Variants in PDE1C observed in about 807,000 individuals in gnomAD.
PDE1C encodes the protein dual specificity calcium/calmodulin-dependent 3',5'-cyclic nucleotide phosphodiesterase 1C.
A neutral mutation model predicts 93.1 loss-of-function variants in PDE1C; 62 were observed. That is an observed-to-expected ratio of 0.67 (90% confidence interval 0.54 to 0.82). The LOEUF (loss-of-function observed/expected upper bound fraction) is 0.82, where lower values mean the gene tolerates loss of function less well. Ranked by LOEUF, PDE1C falls within the 40% of genes least tolerant of loss-of-function variation. PDE1C has a pLI of 0.00. For synonymous variants in PDE1C, 325 were observed against 310.1 expected (o/e 1.05, Z -0.50); for missense variants, 742 against 884.6 (o/e 0.84, Z 2.04).
chr7:31,861,236 T>C (rs1271822707), intron 7 of PDE1C, among the ~76,000 whole-genome samples: 1 of 152,186 alleles, frequency 6.6e-6, no homozygotes, highest in African/African-American at 2.4e-5. Context: ...TTATACCCCA[T>C]GTCACTGGCC....
At chr7:31,642,716 A>G in the PDE1C span, 4 of 1,613,942 alleles carry the variant, frequency 2.5e-6, no homozygotes, top group South Asian at 4.4e-5. Flanking sequence ...AGTCCTGCTG[A>G]GAATGGAGGT....
chr7:31,933,618 C>T (rs1393220996), intron 2 of PDE1C, among the ~76,000 whole-genome samples: 2 of 152,148 alleles, frequency 1.3e-5, no homozygotes, highest in East Asian at 1.9e-4. Context: ...GAATTGTAAT[C>T]CTCAGTATTG....
intron 2 of PDE1C, among the ~76,000 whole-genome samples, chr7:31,930,873 A>AAAAAAAAAAAAAAAAAC (rs1804127664): frequency 6.7e-6 from 1 of 150,068 alleles, no homozygotes; most frequent in African/African-American, 2.5e-5. Flanking sequence ...AAAAAAAAAA[A>AAAAAAAAAAAAAAAAAC]AAAGCTTATC....
At chr7:31,761,361 AT>A (rs1413467274) in intron 17 of PDE1C, among the ~76,000 whole-genome samples, 4 of 152,212 alleles carry the variant, frequency 2.6e-5, no homozygotes, top group Non-Finnish European at 5.9e-5. Flanking sequence ...ATAATCAATA[AT>A]TTTGAAGCAA....
At chr7:31,886,717 G>C (rs952267450) in intron 2 of PDE1C, among the ~76,000 whole-genome samples, 1 of 101,136 alleles carries the variant, frequency 9.9e-6, no homozygotes, top group African/African-American at 3.8e-5. Context: ...GGATGGGATA[G>C]GGAAACGGCA....
Position 31,969,729 on chromosome 7 carries a change from C to G in PDE1C, c.128+81825G>C, listed in dbSNP as rs1207758362. Among the ~76,000 whole-genome samples the G allele has an allele frequency of 2.0e-5, 3 of 152,154 alleles. 1 individual carries two copies. The highest frequency in any genetic ancestry group is 1.3e-4 in the Admixed American group (2 of 15,272). Reference sequence around the variant, plus strand: ...GCAGTGCTGTTCTCAATAGCAAAGACTTGGAACCAACCCAAATGCCCATCA... The same window carrying G: ...GCAGTGCTGTTCTCAATAGCAAAGAGTTGGAACCAACCCAAATGCCCATCA... On this transcript the variant is annotated intron_variant, in intron 2 of 17. Coordinates refer to ENST00000396191, the MANE Select transcript of PDE1C (RefSeq NM_001191057.4).
rs1054400859 is a variant in PDE1C, at chr7:31,808,126, C to T, written c.1891+905G>A. 1.6e-5 allele frequency: 7 copies of T among 428,780 alleles called. 1 individual carries two copies. Among genetic ancestry groups the T allele is most frequent in the East Asian group, 7.3e-5 (1 of 13,764 alleles). The allele number at this position is 428,780 out of a possible 1,614,324, so 26.6% of individuals were successfully genotyped here. ...TTTATAATAGATGTGCAAAGAATTA[C>T]GTTCCAATTTATTCTTACTCTTCCA... On this transcript the variant is annotated intron_variant, in intron 16 of 17. Transcript: ENST00000396191.
chr7:32,313,453 C>T (rs573004258), intron 1 of PDE1C, among the ~76,000 whole-genome samples: 25 of 151,964 alleles, frequency 1.6e-4, no homozygotes, highest in Middle Eastern at 6.8e-3. Flanking sequence ...CACATGCACA[C>T]GTATGTTTAT....
intron 1 of PDE1C, among the ~76,000 whole-genome samples, chr7:32,239,019 C>T (rs1197746010): frequency 2.0e-5 from 3 of 152,164 alleles, no homozygotes; most frequent in African/African-American, 7.2e-5. Context: ...GTAATACCAG[C>T]ACTTTGGGAG....
upstream of PDE1C, among the ~76,000 whole-genome samples, chr7:32,074,073 T>G (rs1796215123): frequency 2.0e-5 from 3 of 152,214 alleles, no homozygotes; most frequent in South Asian, 4.1e-4. Flanking sequence ...TAACCAACAA[T>G]TTAAAGTACT....
At chr7:32,208,326 A>G in intron 2 of PDE1C, among the ~76,000 whole-genome samples, 1 of 152,122 alleles carries the variant, frequency 6.6e-6, no homozygotes. Flanking sequence ...GACCTAGTCA[A>G]CCCTGCATGA....
At chr7:31,729,371 C>T in the PDE1C span, among the ~76,000 whole-genome samples, 3 of 152,176 alleles carry the variant, frequency 2.0e-5, no homozygotes, top group African/African-American at 7.2e-5. Flanking sequence ...CTTACAAAAA[C>T]TCAACTGTTA....
At chr7:31,910,917 C>G (rs977535655) in intron 2 of PDE1C, among the ~76,000 whole-genome samples, 1 of 152,128 alleles carries the variant, frequency 6.6e-6, no homozygotes, top group Non-Finnish European at 1.5e-5. Flanking sequence ...TTGTGGTGCA[C>G]TTTTGGCTTA....
At position 32,092,037 on chromosome 7, in the gene PDE1C, T is replaced by A. The variant is rs542802968; in HGVS notation, c.308+77748A>T. Among the ~76,000 whole-genome samples the A allele has an allele frequency of 6.6e-5, 10 of 152,268 alleles. No individual in the cohort carries two copies. The South Asian group carries it at 2.1e-3, about 32-fold the overall frequency. On this transcript the variant is annotated intron_variant, in intron 3 of 18. Transcript: ENST00000396193. ...TTTGGCCCAAGGAACAAAACCAACA[T>A]ATGTTCAGGCTCATCCCTATGTTCT...
chr7:31,659,116 T>A, the PDE1C span, among the ~76,000 whole-genome samples: 1 of 152,208 alleles, frequency 6.6e-6, no homozygotes, highest in African/African-American at 2.4e-5. Context: ...GAAGAAATAA[T>A]GTTTCCAGTA....
chr7:32,142,063 GAGTGGGAATGAAA>G (rs1800566935), intron 3 of PDE1C, among the ~76,000 whole-genome samples: 2 of 151,844 alleles, frequency 1.3e-5, no homozygotes, highest in South Asian at 4.2e-4. Context: ...GTTGGGTTTT[GAGTGGGAATGAAA>G]AGTAGGTTAT....
the PDE1C span, among the ~76,000 whole-genome samples, chr7:31,698,549 A>G: frequency 6.6e-6 from 1 of 152,226 alleles, no homozygotes; most frequent in Non-Finnish European, 1.5e-5. Context: ...GAGATCATGC[A>G]CATGTGCTAA....
At chr7:32,187,293 T>C (rs982911292) in intron 2 of PDE1C, among the ~76,000 whole-genome samples, 8 of 152,096 alleles carry the variant, frequency 5.3e-5, no homozygotes, top group African/African-American at 1.9e-4. Flanking sequence ...CATGCCTGGC[T>C]GATAGTTATC....
At chr7:32,099,820 C>T (rs1797956645) in intron 3 of PDE1C, among the ~76,000 whole-genome samples, 1 of 152,184 alleles carries the variant, frequency 6.6e-6, no homozygotes, top group African/African-American at 2.4e-5. Context: ...TCCCAACACC[C>T]ACTCTCTACA....
Sources: allele counts gnomAD v4.1 joint callset (sites outside exome capture counted in the v4.1 genomes callset), GRCh38; gene constraint gnomAD v4.1.1; transcripts MANE v1.5; gene names NCBI Gene and HGNC (gene_info 2026-07-23, HGNC 2026-07-21).